Variants in JAK1 observed in about 807,000 individuals in gnomAD.
The protein encoded by JAK1 is tyrosine-protein kinase JAK1.
A neutral mutation model predicts 136.6 loss-of-function variants in JAK1; 16 were observed. The observed-to-expected ratio is 0.12, with a 90% CI of 0.08 to 0.18. The LOEUF (loss-of-function observed/expected upper bound fraction) is 0.18, where lower values mean the gene tolerates loss of function less well. JAK1 is among the 10% of genes least tolerant of loss of function. The probability of loss-of-function intolerance (pLI) is 1.00; values close to 1 mark genes in which losing one functional copy is unlikely to be tolerated. For missense variants in JAK1, 859 were observed against 1,450.1 expected (o/e 0.59, Z 6.62); for synonymous variants, 492 against 519.5 (o/e 0.95, Z 0.72).
At chr1:64,845,783 C>T (rs1655194333) in intron 14 of JAK1, 143 bp from the exon 15 acceptor site, 3 of 993,248 alleles carry the variant, frequency 3.0e-6, no homozygotes, top group Non-Finnish European at 4.5e-6. Flanking sequence ...GGTGCAGGGG[C>T]TTCAGAGCTG....
chr1:64,835,539 C>T, intron 23 of JAK1, 33 bp from the exon 24 acceptor site: 2 of 1,286,224 alleles, frequency 1.6e-6, no homozygotes, highest in Non-Finnish European at 2.2e-6. Flanking sequence ...AAACGTTTAA[C>T]TTTGCAAGTA....
At chr1:64,914,217 C>T (rs1239402358) in intron 1 of JAK1, among the ~76,000 whole-genome samples, 1 of 152,158 alleles carries the variant, frequency 6.6e-6, no homozygotes, top group Non-Finnish European at 1.5e-5. Flanking sequence ...TATGAATCCC[C>T]TACCTCAGAC....
At chr1:64,986,838 C>T (rs1646604282) in intron 2 of JAK1, among the ~76,000 whole-genome samples, 1 of 152,000 alleles carries the variant, frequency 6.6e-6, no homozygotes, top group African/African-American at 2.4e-5. Flanking sequence ...TGCCACTGCC[C>T]TCCAGCCTGG....
chr1:64,950,743 C>G (rs1646071024), intron 1 of JAK1, among the ~76,000 whole-genome samples: 1 of 152,178 alleles, frequency 6.6e-6, no homozygotes, highest in Admixed American at 6.5e-5. Flanking sequence ...TATATCTCAA[C>G]CTCCTGAGAA....
At chr1:64,955,117 A>G (rs1646160003) in intron 1 of JAK1, among the ~76,000 whole-genome samples, 1 of 152,238 alleles carries the variant, frequency 6.6e-6, no homozygotes, top group Non-Finnish European at 1.5e-5. Context: ...CAAATTTTGT[A>G]CAATTTGAGC....
At chr1:65,018,495 C>CACACACAA (rs1553181621) in intron 2 of JAK1, among the ~76,000 whole-genome samples, 15 of 148,994 alleles carry the variant, frequency 1.0e-4, no homozygotes, top group African/African-American at 3.7e-4. Context: ...AGAACACACA[C>CACACACAA]ACACACACAC....
intron 2 of JAK1, among the ~76,000 whole-genome samples, chr1:65,029,879 T>C (rs1368559072): frequency 6.6e-6 from 1 of 152,054 alleles, no homozygotes; most frequent in African/African-American, 2.4e-5. Context: ...TGAAATAATC[T>C]GTACAACAAA....
At chr1:65,046,659 G>A (rs975742180) in intron 1 of JAK1, among the ~76,000 whole-genome samples, 3 of 151,896 alleles carry the variant, frequency 2.0e-5, no homozygotes, top group Non-Finnish European at 2.9e-5. Flanking sequence ...GGGGCTGAAG[G>A]GGGTAGGTAG....
intron 2 of JAK1, chr1:64,974,031 T>C (rs1646477109): frequency 6.6e-6 from 1 of 152,230 alleles, no homozygotes; most frequent in African/African-American, 2.4e-5. Flanking sequence ...TATATAATTA[T>C]AAATGTCCAC....
In JAK1 at chr1:64,965,762, A is replaced by C. The variant is rs527921047; in HGVS notation, c.-78+571T>G. ...GGCCTGGTTCCTAACAGAACCTAAGAGGGGAGGGGGCGTTTCCCGAGTTCG... is the reference window on the plus strand; with the variant it reads ...GGCCTGGTTCCTAACAGAACCTAAGCGGGGAGGGGGCGTTTCCCGAGTTCG... On this transcript the variant is annotated intron_variant, in intron 1 of 24. Coordinates refer to ENST00000342505, the MANE Select transcript of JAK1 (RefSeq NM_002227.4). Among the ~76,000 whole-genome samples, 6 of 152,066 alleles carry C rather than the reference A, an allele frequency of 3.9e-5. 1 individual carries two copies. Among genetic ancestry groups the C allele is most frequent in the Admixed American group, 2.0e-4 (3 of 15,266 alleles).
At chr1:64,855,797 G>T in intron 10 of JAK1, 99 bp from the exon 11 acceptor site, 1 of 931,032 alleles carries the variant, frequency 1.1e-6, no homozygotes, top group Non-Finnish European at 1.6e-6. Flanking sequence ...GAGTAATTTT[G>T]CACCATCTCT....
intron 2 of JAK1, chr1:64,995,024 G>A (rs1646692306): frequency 6.7e-6 from 1 of 148,814 alleles, no homozygotes; most frequent in Non-Finnish European, 1.5e-5. Context: ...ATCTATATAA[G>A]CAACCAAATT....
At chr1:64,848,519 T>C (rs1048487016) in intron 12 of JAK1, among the ~76,000 whole-genome samples, 1 of 152,114 alleles carries the variant, frequency 6.6e-6, no homozygotes, top group Non-Finnish European at 1.5e-5. Flanking sequence ...TCCTGACATG[T>C]GAAAGGGAAC....
At chr1:65,001,578 T>C (rs1646756942) in intron 2 of JAK1, among the ~76,000 whole-genome samples, 1 of 151,734 alleles carries the variant, frequency 6.6e-6, no homozygotes, top group Admixed American at 6.6e-5. Context: ...GTGTTGTATG[T>C]CTAAGAGGTA....
chr1:64,883,504 G>A (rs750565612), intron 2 of JAK1, 29 bp from the exon 3 acceptor site: 56 of 1,589,422 alleles, frequency 3.5e-5, no homozygotes, highest in Admixed American at 6.7e-5. Context: ...AAGACTATGT[G>A]GTCACTCTAT....
At chr1:65,032,653 G>T (rs904285227) in intron 2 of JAK1, among the ~76,000 whole-genome samples, 1 of 152,166 alleles carries the variant, frequency 6.6e-6, no homozygotes, top group Admixed American at 6.5e-5. Context: ...CAGCAGGATT[G>T]TTTAGGGAGA....
At chr1:64,902,657 G>A (rs959777755) in intron 1 of JAK1, among the ~76,000 whole-genome samples, 1 of 147,666 alleles carries the variant, frequency 6.8e-6, no homozygotes. Context: ...TTAAATAATA[G>A]GAAGAAGGGA....
intron 1 of JAK1, among the ~76,000 whole-genome samples, chr1:65,067,121 G>C (rs1348201172): frequency 1.3e-5 from 2 of 151,854 alleles, no homozygotes; most frequent in African/African-American, 4.8e-5. Flanking sequence ...CTCGCAGTCG[G>C]TCCCGGAGTG....
chr1:64,889,863 A>C (rs906900510), intron 1 of JAK1, among the ~76,000 whole-genome samples: 1 of 152,238 alleles, frequency 6.6e-6, no homozygotes, highest in Non-Finnish European at 1.5e-5. Context: ...GAATGAGACC[A>C]CTTTGGCCAA....
Sources: allele counts gnomAD v4.1 joint callset (sites outside exome capture counted in the v4.1 genomes callset), GRCh38; gene constraint gnomAD v4.1.1; transcripts MANE v1.5; gene names NCBI Gene and HGNC (gene_info 2026-07-23, HGNC 2026-07-21).